Variants in JAK1 observed in about 807,000 individuals in gnomAD.
JAK1 encodes the protein tyrosine-protein kinase JAK1.
In JAK1, 16 loss-of-function variants were observed where a neutral mutation model predicts 136.6. That is an observed-to-expected ratio of 0.12 (90% confidence interval 0.08 to 0.18). The LOEUF is 0.18. JAK1 is among the 10% of genes least tolerant of loss of function. The probability of loss-of-function intolerance (pLI) is 1.00; values close to 1 mark genes in which losing one functional copy is unlikely to be tolerated. For missense variants in JAK1, 859 were observed against 1,450.1 expected (o/e 0.59, Z 6.62); for synonymous variants, 492 against 519.5 (o/e 0.95, Z 0.72).
At chr1:64,938,098 T>C (rs1645823411) in intron 1 of JAK1, among the ~76,000 whole-genome samples, 2 of 152,004 alleles carry the variant, frequency 1.3e-5, no homozygotes, top group Admixed American at 6.5e-5. Flanking sequence ...GCCAGGATGG[T>C]CTCGATCTCC....
intron 2 of JAK1, among the ~76,000 whole-genome samples, chr1:64,982,098 A>C (rs372750184): frequency 1.3e-5 from 2 of 150,166 alleles, no homozygotes; most frequent in Non-Finnish European, 3.0e-5. Flanking sequence ...ACACACACAC[A>C]CACGCACACA....
intron 1 of JAK1, among the ~76,000 whole-genome samples, chr1:64,898,294 G>A (rs1416646072): frequency 6.6e-6 from 1 of 152,132 alleles, no homozygotes; most frequent in Non-Finnish European, 1.5e-5. Flanking sequence ...AAGTTCACGG[G>A]GCTGCCCTTG....
chr1:64,846,909 G>A, intron 13 of JAK1, 173 bp from the exon 14 acceptor site: 1 of 596,774 alleles, frequency 1.7e-6, no homozygotes, highest in Non-Finnish European at 3.0e-6. Flanking sequence ...GCCAAGCCTT[G>A]TTCTCTGGGC....
At chr1:64,988,972 A>ATG (rs1422967785) in intron 2 of JAK1, among the ~76,000 whole-genome samples, 3 of 131,100 alleles carry the variant, frequency 2.3e-5, no homozygotes, top group Admixed American at 8.8e-5. Context: ...GTATGTATAT[A>ATG]TATATGTATA....
At chr1:64,897,691 C>A (rs1360197744) in intron 1 of JAK1, among the ~76,000 whole-genome samples, 1 of 151,408 alleles carries the variant, frequency 6.6e-6, no homozygotes, top group African/African-American at 2.4e-5. Flanking sequence ...TACAAATGCC[C>A]CCTAAGGAGT....
chr1:65,030,629 T>C (rs1344402515), intron 2 of JAK1, among the ~76,000 whole-genome samples: 1 of 151,494 alleles, frequency 6.6e-6, no homozygotes, highest in African/African-American at 2.4e-5. Flanking sequence ...ACCTCCCGGG[T>C]TCAAGTGATT....
intron 23 of JAK1, among the ~76,000 whole-genome samples, chr1:64,835,779 A>T (rs1477457158): frequency 1.3e-5 from 2 of 152,138 alleles, no homozygotes; most frequent in Non-Finnish European, 2.9e-5. Flanking sequence ...GGAATGAAGG[A>T]GGCACAGACA....
chr1:65,053,586 T>C (rs1344227638), intron 1 of JAK1, among the ~76,000 whole-genome samples: 1 of 151,538 alleles, frequency 6.6e-6, no homozygotes, highest in Non-Finnish European at 1.5e-5. Context: ...TGTGGTGGCC[T>C]AGGCCTGTAA....
At chr1:64,838,929 A>G (rs953947326) in intron 20 of JAK1, among the ~76,000 whole-genome samples, 24 of 151,842 alleles carry the variant, frequency 1.6e-4, no homozygotes, top group African/African-American at 5.8e-4. Context: ...GCGGATCACG[A>G]GGTCAGGAGA....
chr1:64,981,151 G>A (rs998642323), intron 2 of JAK1, among the ~76,000 whole-genome samples: 1 of 152,224 alleles, frequency 6.6e-6, no homozygotes. Flanking sequence ...TAAGTGCCCT[G>A]GTAACTCTAA....
At chr1:64,842,777 C>T (rs569430176) in intron 17 of JAK1, among the ~76,000 whole-genome samples, 1 of 152,264 alleles carries the variant, frequency 6.6e-6, no homozygotes, top group South Asian at 2.1e-4. Flanking sequence ...ATGAATTTCC[C>T]AAAAGCCTAG....
In JAK1 at chr1:64,879,037, T is replaced by C; in HGVS notation, c.317A>G (p.His106Arg). The C allele has an allele frequency of 6.2e-7, 1 of 1,614,054 alleles. No individual in the cohort carries two copies. The highest frequency in any genetic ancestry group is 8.5e-7 in the Non-Finnish European group (1 of 1,179,976). The change falls in exon 4 of 25, where the codon CAC becomes CGC. Residue 106 changes from histidine to arginine, a missense_variant. Coordinates refer to ENST00000342505, the MANE Select transcript of JAK1 (RefSeq NM_002227.4). ...TVDDKMSLRL[H>R]YRMRFYFTNW... is the part of the protein sequence containing the mutation. Reference sequence around the variant, plus strand: ...GTACTTCCCATACCTCATCCGGTAGTGGAGCCGGAGGGACATCTTGTCATC... The same window carrying C: ...GTACTTCCCATACCTCATCCGGTAGCGGAGCCGGAGGGACATCTTGTCATC...
chr1:64,982,848 A>G (rs1261229653), intron 2 of JAK1, among the ~76,000 whole-genome samples: 1 of 152,188 alleles, frequency 6.6e-6, no homozygotes, highest in African/African-American at 2.4e-5. Flanking sequence ...GAGAAAATCC[A>G]TATGAAAATA....
At chr1:64,905,970 T>C (rs980220129) in intron 1 of JAK1, among the ~76,000 whole-genome samples, 3 of 152,182 alleles carry the variant, frequency 2.0e-5, no homozygotes, top group Non-Finnish European at 2.9e-5. Flanking sequence ...TCTCACCCTG[T>C]TGCATGGTTC....
At chr1:64,944,607 G>A (rs1645950253) in intron 1 of JAK1, among the ~76,000 whole-genome samples, 1 of 151,964 alleles carries the variant, frequency 6.6e-6, no homozygotes, top group African/African-American at 2.4e-5. Context: ...CCACCCAATA[G>A]AAATCTACAC....
At chr1:65,014,256 T>G (rs1450383952) in intron 2 of JAK1, among the ~76,000 whole-genome samples, 1 of 152,110 alleles carries the variant, frequency 6.6e-6, no homozygotes, top group Admixed American at 6.6e-5. Context: ...GAAGAAATAC[T>G]GGCCTAAACT....
At chr1:64,877,600 TG>T (rs918767050) in intron 4 of JAK1, among the ~76,000 whole-genome samples, 2 of 152,078 alleles carry the variant, frequency 1.3e-5, no homozygotes, top group Non-Finnish European at 2.9e-5. Context: ...TTCCCTTTTC[TG>T]GGTATTAGTT....
intron 1 of JAK1, among the ~76,000 whole-genome samples, chr1:64,915,677 C>T (rs766547890): frequency 2.0e-4 from 30 of 152,136 alleles, no homozygotes; most frequent in African/African-American, 5.6e-4. Flanking sequence ...ACTGAGAAAC[C>T]GATTTCTTAA....
intron 1 of JAK1, among the ~76,000 whole-genome samples, chr1:64,899,126 T>C (rs1485719279): frequency 1.3e-5 from 2 of 152,226 alleles, no homozygotes; most frequent in Non-Finnish European, 2.9e-5. Flanking sequence ...ATCATTCCTC[T>C]TATTCTACTC....
Sources: allele counts gnomAD v4.1 joint callset (sites outside exome capture counted in the v4.1 genomes callset), GRCh38; gene constraint gnomAD v4.1.1; transcripts MANE v1.5; gene names NCBI Gene and HGNC (gene_info 2026-07-23, HGNC 2026-07-21).